Variants in TRABD2B observed in about 807,000 individuals in gnomAD.
The protein encoded by TRABD2B is metalloprotease TIKI2.
A neutral mutation model predicts 40.1 loss-of-function variants in TRABD2B; 14 were observed. The ratio of observed to expected loss-of-function variants is 0.35; its 90% confidence interval spans 0.23 to 0.55. The LOEUF is 0.55. Among genes scored for constraint, TRABD2B ranks in the 20% least tolerant of loss-of-function variants. The pLI is 0.90. For synonymous variants in TRABD2B, 263 were observed against 277.0 expected (o/e 0.95, Z 0.50); for missense variants, 541 against 648.6 (o/e 0.83, Z 1.80).
intron 2 of TRABD2B, among the ~76,000 whole-genome samples, chr1:47,844,056 C>T (rs760135143): frequency 1.3e-5 from 2 of 152,182 alleles, no homozygotes; most frequent in East Asian, 1.9e-4. Context: ...AGCTGGAGCT[C>T]GGAAGCAGGT....
chr1:47,955,963 A>C (rs1645415609), intron 2 of TRABD2B, among the ~76,000 whole-genome samples: 1 of 152,168 alleles, frequency 6.6e-6, no homozygotes, highest in African/African-American at 2.4e-5. Flanking sequence ...ACATAGATGA[A>C]TCTCTGTATC....
chr1:47,950,593 G>C (rs1645328332), intron 2 of TRABD2B, among the ~76,000 whole-genome samples: 1 of 152,198 alleles, frequency 6.6e-6, no homozygotes, highest in Non-Finnish European at 1.5e-5. Flanking sequence ...GATGGCTCTG[G>C]ATTATTCCAC....
intron 2 of TRABD2B, among the ~76,000 whole-genome samples, chr1:47,810,196 T>G (rs1644945669): frequency 6.6e-6 from 1 of 151,498 alleles, no homozygotes; most frequent in Non-Finnish European, 1.5e-5. Context: ...AGTTGATATT[T>G]TATTATTATT....
intron 2 of TRABD2B, among the ~76,000 whole-genome samples, chr1:47,990,042 TA>T (rs1225616006): frequency 2.0e-5 from 3 of 152,222 alleles, no homozygotes; most frequent in Admixed American, 6.5e-5. Flanking sequence ...GCACCCTGCA[TA>T]GAGACAAAAC....
intron 2 of TRABD2B, among the ~76,000 whole-genome samples, chr1:47,859,765 A>G (rs1240872575): frequency 6.6e-6 from 1 of 152,162 alleles, no homozygotes; most frequent in Admixed American, 6.5e-5. Context: ...TCCCTTGAGG[A>G]TGAAGTCCTT....
intron 6 of TRABD2B, 142 bp downstream of exon 6, chr1:47,775,028 A>G: frequency 1.5e-6 from 1 of 682,172 alleles, no homozygotes. Flanking sequence ...TCAGATGGGA[A>G]CGTGCTGTAG....
rs952305975 is a variant in TRABD2B, at chr1:47,771,933, CCTT to C, written c.1349+3234_1349+3236del. On this transcript the variant is annotated intron_variant, in intron 6 of 6. Transcript: ENST00000606738. Reference sequence around the variant, plus strand: ...CAGGCGCGTCCCTGGCTCACTCCCTCCTTCTCACACTCGCTCCCAGCCCAACCC... The same window carrying C: ...CAGGCGCGTCCCTGGCTCACTCCCTCCTCACACTCGCTCCCAGCCCAACCC... 3.3e-5 allele frequency among the ~76,000 whole-genome samples: 5 copies of C among 152,310 alleles called. No homozygotes were observed. In the South Asian group the frequency reaches 6.2e-4, roughly 19 times the overall value.
In TRABD2B at chr1:47,765,647, G is replaced by A; in HGVS notation, c.*255C>T. On this transcript the variant is annotated 3_prime_UTR_variant, in exon 7 of 7. Coordinates refer to ENST00000606738, the MANE Select transcript of TRABD2B (RefSeq NM_001194986.2). Reference sequence around the variant, plus strand: ...CCACATAAGAATAGTTTTATCGGTAGAATAAATACATTTTTCTTTTTTAAT... The same window carrying A: ...CCACATAAGAATAGTTTTATCGGTAAAATAAATACATTTTTCTTTTTTAAT... 1 of 574,862 alleles carries A rather than the reference G, an allele frequency of 1.7e-6. No homozygotes were observed. The allele number at this position is 574,862 out of a possible 1,614,324, so 35.6% of individuals were successfully genotyped here.
intron 2 of TRABD2B, chr1:47,819,004 T>A (rs1190398327): frequency 6.6e-6 from 1 of 152,266 alleles, no homozygotes; most frequent in Non-Finnish European, 1.5e-5. Flanking sequence ...TCTAATTTTT[T>A]AAAAATGTAT....
chr1:47,768,291 A>T (rs1046970028), intron 6 of TRABD2B, among the ~76,000 whole-genome samples: 2 of 151,754 alleles, frequency 1.3e-5, no homozygotes, highest in African/African-American at 4.8e-5. Context: ...CAGAGGATGC[A>T]GGGATGGCGT....
chr1:47,794,669 T>C lies in TRABD2B; in HGVS notation c.905A>G (p.Lys302Arg), dbSNP rs1303376161. The change falls in exon 4 of 7, where the codon AAG becomes AGG. Residue 302 changes from lysine to arginine, a missense_variant. Physicochemically the swap from Lys to Arg is conservative, Grantham distance 26 (BLOSUM62 2). This residue lies in a region of TRABD2B where 369 missense variants were observed against 492.8 expected (regional missense o/e 0.75). Transcript: ENST00000606738. Reference protein sequence around the residue: ...DSYFRQELIYKRNERMGKRVM... With the variant: ...DSYFRQELIYRRNERMGKRVM... ...CCTCTTCCCCATGCGCTCATTCCTC[T>C]TGTAGATGAGCTCCTGGCGGAAGTA... The C allele has an allele frequency of 5.2e-6, 8 of 1,536,616 alleles. No homozygotes were observed. Among genetic ancestry groups the C allele is most frequent in the Non-Finnish European group, 7.0e-6 (8 of 1,146,944 alleles).
At chr1:47,962,932 C>T (rs1327963886) in intron 2 of TRABD2B, among the ~76,000 whole-genome samples, 2 of 152,202 alleles carry the variant, frequency 1.3e-5, no homozygotes, top group Non-Finnish European at 2.9e-5. Context: ...AACAAAGATG[C>T]CATGCAAGCA....
rs1301818535 is a variant in TRABD2B, at chr1:47,763,392, GGGAGAGTTTA to G, written c.*2500_*2509del. 5.3e-5 allele frequency: 8 copies of G among 152,192 alleles called. No homozygotes were observed. The highest frequency in any genetic ancestry group is 1.9e-4 in the African/African-American group (8 of 41,436). The allele number at this position is 152,192 out of a possible 1,614,324, so 9.4% of individuals were successfully genotyped here. ...TCTTTAAACACTTGAATTAGGGTAA[GGGAGAGTTTA>G]GGATCCCCTAATATGCCCAGAGGAG... On this transcript the variant is annotated 3_prime_UTR_variant, in exon 7 of 7. Coordinates refer to ENST00000606738, the MANE Select transcript of TRABD2B (RefSeq NM_001194986.2).
At chr1:47,767,404 A>G (rs1644319357) in intron 6 of TRABD2B, among the ~76,000 whole-genome samples, 1 of 152,146 alleles carries the variant, frequency 6.6e-6, no homozygotes. Context: ...ATTTAGTTTG[A>G]GCATGGGGAG....
chr1:47,901,446 A>T (rs1479801786), intron 2 of TRABD2B, among the ~76,000 whole-genome samples: 1 of 152,174 alleles, frequency 6.6e-6, no homozygotes, highest in Non-Finnish European at 1.5e-5. Flanking sequence ...GCTCAGCGGC[A>T]GGGGGCATGG....
intron 2 of TRABD2B, among the ~76,000 whole-genome samples, chr1:47,961,414 A>G (rs910968637): frequency 6.6e-6 from 1 of 152,258 alleles, no homozygotes; most frequent in African/African-American, 2.4e-5. Context: ...CTACCACCAG[A>G]GTGAACAGGC....
chr1:47,900,125 G>A (rs947649150), intron 2 of TRABD2B, among the ~76,000 whole-genome samples: 5 of 152,082 alleles, frequency 3.3e-5, no homozygotes, highest in East Asian at 1.9e-4. Flanking sequence ...CCTCAGAGTC[G>A]GCTTCCCAGA....
chr1:47,912,228 A>C (rs960374510), intron 2 of TRABD2B, among the ~76,000 whole-genome samples: 1 of 152,194 alleles, frequency 6.6e-6, no homozygotes, highest in East Asian at 1.9e-4. Context: ...TAATCTATTT[A>C]GTTAGAAAAA....
chr1:47,868,347 G>C (rs907020440), intron 2 of TRABD2B, among the ~76,000 whole-genome samples: 1 of 152,208 alleles, frequency 6.6e-6, no homozygotes, highest in Non-Finnish European at 1.5e-5. Context: ...GACAGCAAAG[G>C]AGGAAGGAAG....
Sources: allele counts gnomAD v4.1 joint callset (sites outside exome capture counted in the v4.1 genomes callset), GRCh38; gene constraint gnomAD v4.1.1; regional missense constraint gnomAD v4.1.1; transcripts MANE v1.5; gene names NCBI Gene and HGNC (gene_info 2026-07-23, HGNC 2026-07-21).